Variants in TEX11 observed in about 807,000 individuals in gnomAD.
The protein encoded by TEX11 is testis expressed 11, also known as testis-expressed protein 11.
Under a neutral mutation model 84.4 loss-of-function variants are expected in TEX11, and 7 were observed. The ratio of observed to expected loss-of-function variants is 0.08; its 90% CI spans 0.05 to 0.16. The LOEUF is 0.16. Among genes scored for constraint, TEX11 ranks in the 10% least tolerant of loss-of-function variants. The pLI, the probability that TEX11 is intolerant of heterozygous loss-of-function variation, is 1.00. For missense variants in TEX11, 551 were observed against 660.5 expected, an observed-to-expected ratio of 0.83 and a Z score of 1.82; for synonymous variants, 264 against 222.8, an observed-to-expected ratio of 1.18 and a Z score of -1.64.
At chrX:70,692,860 T>C (rs771431363) in intron 13 of TEX11, among the ~76,000 whole-genome samples, 1 of 111,409 alleles carries the variant, frequency 9.0e-6, no homozygotes, top group African/African-American at 3.3e-5. Flanking sequence ...CTGGATCATA[T>C]GGTAGTTCTA....
intron 9 of TEX11, among the ~76,000 whole-genome samples, chrX:70,749,426 C>A (rs1161569812): frequency 9.0e-6 from 1 of 110,715 alleles, no homozygotes; most frequent in African/African-American, 3.3e-5. Context: ...CTTCTCCTGC[C>A]TAATTGCCCT....
intron 13 of TEX11, among the ~76,000 whole-genome samples, chrX:70,700,488 C>T (rs780277620): frequency 9.9e-5 from 11 of 111,160 alleles, no homozygotes; most frequent in Admixed American, 3.9e-4. Flanking sequence ...TTTTGGGGTA[C>T]CATAAACTAA....
intron 13 of TEX11, among the ~76,000 whole-genome samples, chrX:70,705,386 C>A (rs1313345853): frequency 2.7e-5 from 3 of 111,529 alleles, no homozygotes; most frequent in Admixed American, 1.9e-4. Context: ...TTACCTTGGG[C>A]AGTATGGCTA....
intron 25 of TEX11, among the ~76,000 whole-genome samples, chrX:70,575,831 A>G (rs1337289975): frequency 2.7e-5 from 3 of 111,446 alleles, no homozygotes; most frequent in African/African-American, 9.8e-5. Context: ...CTTGATTCCT[A>G]CCATTAAAAT....
intron 9 of TEX11, among the ~76,000 whole-genome samples, chrX:70,798,967 A>T (rs773623354): frequency 3.2e-4 from 36 of 111,712 alleles, no homozygotes; most frequent in Non-Finnish European, 4.7e-4. Flanking sequence ...AGTACAGACA[A>T]CAAAAACAAA....
rs1192348306 is a variant in TEX11, at chrX:70,678,843, T to G, written c.1203A>C (p.Leu401Phe). 1 of 1,204,526 alleles carries G rather than the reference T, an allele frequency of 8.3e-7. No individual in the cohort carries two copies. The highest frequency in any genetic ancestry group is 1.1e-6 in the Non-Finnish European group (1 of 893,285). The change falls in exon 15 of 30, where the codon TTA (leucine) becomes TTC (phenylalanine). Residue 401 changes from leucine (L) to phenylalanine (F), a missense_variant. Transcript: ENST00000374333. The stretch of plus-strand genomic sequence containing the variant: ...CAGCTTGTCTCCACAGAATGTTGTG[T>G]AACCAGTTCATTGATTCTGCTGTCA... ...RQLTAESMNW[L>F]HNILWRQAAS...
At chrX:70,544,812 G>A (rs1408219927) in intron 28 of TEX11, among the ~76,000 whole-genome samples, 5 of 76,004 alleles carry the variant, frequency 6.6e-5, no homozygotes, top group Admixed American at 1.9e-4. Context: ...GCACTCCAGC[G>A]TCAGTGACAG....
At chrX:70,891,320 T>A (rs901058089) in intron 2 of TEX11, among the ~76,000 whole-genome samples, 4 of 111,313 alleles carry the variant, frequency 3.6e-5, no homozygotes, top group Non-Finnish European at 7.5e-5. Flanking sequence ...AGAGTGCCTC[T>A]CCTCCTCCAA....
chrX:70,548,546 C>T (rs909108494), intron 28 of TEX11, among the ~76,000 whole-genome samples: 5 of 111,399 alleles, frequency 4.5e-5, no homozygotes, highest in African/African-American at 1.6e-4. Flanking sequence ...CCAATGCCAC[C>T]CCTCTCCTAT....
intron 8 of TEX11, among the ~76,000 whole-genome samples, chrX:70,831,766 C>A (rs1958187758): frequency 9.0e-6 from 1 of 110,964 alleles, no homozygotes; most frequent in South Asian, 3.8e-4. Context: ...GAAAGTAGAT[C>A]TTAAATATTT....
At chrX:70,864,774 T>C (rs2091589993) in intron 4 of TEX11, among the ~76,000 whole-genome samples, 1 of 107,391 alleles carries the variant, frequency 9.3e-6, no homozygotes, top group Admixed American at 1.0e-4. Context: ...AGAAAAGAAT[T>C]TTCAACCCAG....
chrX:70,679,677 G>A (rs1359277982), intron 14 of TEX11, among the ~76,000 whole-genome samples: 6 of 107,551 alleles, frequency 5.6e-5, no homozygotes, highest in Non-Finnish European at 1.2e-4. Flanking sequence ...CAGCCACCCC[G>A]TCTGGGAAGT....
chrX:70,699,735 G>GTCA lies in TEX11; in HGVS notation c.1005-16913_1005-16911dup, dbSNP rs758637956. On this transcript the variant is annotated intron_variant, in intron 13 of 29. Coordinates refer to ENST00000374333, the MANE Select transcript of TEX11 (RefSeq NM_031276.3). ...TCACCATGCACTGGATCTGTTTATG[G>GTCA]TCATCATCATCATCATCATCATCAT... Among the ~76,000 whole-genome samples, 612 of 110,169 alleles carry GTCA rather than the reference G, an allele frequency of 5.6e-3. 3 individuals are homozygous for GTCA. The highest frequency in any genetic ancestry group is 0.018 in the African/African-American group (536 of 30,384).
chrX:70,798,032 G>GT (rs934722681), intron 9 of TEX11, among the ~76,000 whole-genome samples: 1 of 99,346 alleles, frequency 1.0e-5, no homozygotes, highest in Non-Finnish European at 2.1e-5. Flanking sequence ...GATGAGGGGG[G>GT]GGGAAAGGCA....
At chrX:70,873,423 CA>C in intron 3 of TEX11, 116 bp from the exon 4 acceptor site, 2 of 514,965 alleles carry the variant, frequency 3.9e-6, no homozygotes, top group Non-Finnish European at 6.6e-6. Flanking sequence ...CCAGGCCCTC[CA>C]TAATCTAGTC....
intron 9 of TEX11, among the ~76,000 whole-genome samples, chrX:70,747,938 G>A (rs747735368): frequency 1.0e-4 from 11 of 110,304 alleles, no homozygotes; most frequent in African/African-American, 3.0e-4. Flanking sequence ...AAATTCTGGA[G>A]TTGAAAAGTA....
intron 10 of TEX11, among the ~76,000 whole-genome samples, chrX:70,743,871 A>AAC (rs60520158): frequency 0.13 from 11,405 of 87,391 alleles, 673 homozygotes; most frequent in Middle Eastern, 0.21. Context: ...TCTATCTCAA[A>AAC]ACACACACAC....
rs867059989 is a variant in TEX11, at chrX:70,565,725, T to G, written c.2141-10925A>C. Among the ~76,000 whole-genome samples, 57 of 109,836 alleles carry G rather than the reference T, an allele frequency of 5.2e-4. 1 individual carries two copies. Among genetic ancestry groups the G allele is most frequent in the South Asian group, 8.0e-4 (2 of 2,508 alleles). ...GATCAGATAGTTGTAGATATGCGGCTTTATTTCTGAGGGCTCTGTTCTGTT... is the reference window on the plus strand; with the variant it reads ...GATCAGATAGTTGTAGATATGCGGCGTTATTTCTGAGGGCTCTGTTCTGTT... On this transcript the variant is annotated intron_variant, in intron 25 of 29. Transcript: ENST00000374333.
At chrX:70,867,833 C>A (rs2091607570) in intron 4 of TEX11, among the ~76,000 whole-genome samples, 1 of 111,428 alleles carries the variant, frequency 9.0e-6, no homozygotes, top group Non-Finnish European at 1.9e-5. Flanking sequence ...ATGCAGAAAA[C>A]AGAAACTGGA....
Sources: allele counts gnomAD v4.1 joint callset (sites outside exome capture counted in the v4.1 genomes callset), GRCh38; gene constraint gnomAD v4.1.1; transcripts MANE v1.5; gene names NCBI Gene and HGNC (gene_info 2026-07-23, HGNC 2026-07-21).